Variants in CCDC43 observed in about 807,000 individuals in gnomAD.
CCDC43 encodes the protein coiled-coil domain-containing protein 43.
A neutral mutation model predicts 33.3 loss-of-function variants in CCDC43; 20 were observed. The ratio of observed to expected loss-of-function variants is 0.60; its 90% CI spans 0.42 to 0.87. CCDC43 has a LOEUF of 0.87. Among genes scored for constraint, CCDC43 ranks in the 40% least tolerant of loss-of-function variants. CCDC43 has a pLI of 0.00. For synonymous variants in CCDC43, 104 were observed against 106.5 expected, an observed-to-expected ratio of 0.98 and a Z score of 0.14; for missense variants, 248 against 269.9, an observed-to-expected ratio of 0.92 and a Z score of 0.57.
At chr17:44,682,691 A>G (rs910582717) in intron 2 of CCDC43, among the ~76,000 whole-genome samples, 5 of 152,140 alleles carry the variant, frequency 3.3e-5, no homozygotes, top group Admixed American at 3.3e-4. Context: ...CCCCGTCTCT[A>G]CTAAAAATAC....
At chr17:44,679,164 GT>G (rs200701087) in intron 4 of CCDC43, 121 bp from the exon 5 acceptor site, 25 of 618,654 alleles carry the variant, frequency 4.0e-5, no homozygotes, top group Non-Finnish European at 5.5e-5. Flanking sequence ...TCTATTCCTG[GT>G]TTTTTAAAAA....
chr17:44,687,442 TA>T (rs1376262129), intron 1 of CCDC43, among the ~76,000 whole-genome samples: 1 of 124,542 alleles, frequency 8.0e-6, no homozygotes, highest in Admixed American at 9.4e-5. Context: ...TCTCAAAAAA[TA>T]AAACATAAAA....
intron 3 of CCDC43, 169 bp downstream of exon 3, chr17:44,681,834 T>C: frequency 1.4e-6 from 1 of 728,996 alleles, no homozygotes; most frequent in Non-Finnish European, 2.3e-6. Context: ...CAGTATCAAC[T>C]AATCCAATAT....
At chr17:44,681,014 C>T (rs1972150917) in intron 3 of CCDC43, among the ~76,000 whole-genome samples, 1 of 152,070 alleles carries the variant, frequency 6.6e-6, no homozygotes, top group Admixed American at 6.6e-5. Flanking sequence ...GGGTGAAGCC[C>T]AGCAATCTGT....
At chr17:44,689,455 C>T in intron 1 of CCDC43, 95 bp downstream of exon 1, 1 of 1,540,876 alleles carries the variant, frequency 6.5e-7, no homozygotes. Context: ...GACCACTGAG[C>T]CTCTGGGATA....
In CCDC43 at chr17:44,689,714, C is replaced by T; in HGVS notation, c.40G>A (p.Glu14Lys). The change falls in exon 1 of 5, where the codon GAA (glutamate) becomes AAA (lysine). Residue 14 changes from glutamate (E) to lysine (K), a missense_variant. Glu to Lys is a moderately conservative substitution (Grantham distance 56, BLOSUM62 1). Coordinates refer to ENST00000315286, the MANE Select transcript of CCDC43 (RefSeq NM_144609.3). ...AAGCCGCCGCCTCCGCCATCGCCTT[C>T]GCCAGGGGCTATCGCGGCCACTTCG... ...PSEVAAIAPG[E>K]GDGGGGGFGS... is the part of the protein sequence containing the mutation. 1 of 1,596,504 alleles carries T rather than the reference C, an allele frequency of 6.3e-7. No homozygotes were observed. Among genetic ancestry groups the T allele is most frequent in the Non-Finnish European group, 8.5e-7 (1 of 1,172,324 alleles).
chr17:44,684,093 T>C, intron 1 of CCDC43, 134 bp from the exon 2 acceptor site: 1 of 633,862 alleles, frequency 1.6e-6, no homozygotes, highest in Non-Finnish European at 2.8e-6. Context: ...CACAATAGAG[T>C]ATGTTTCTTT....
At position 44,678,867 on chromosome 17, in the gene CCDC43, G is replaced by A. The variant is rs750662055; in HGVS notation, c.664C>T (p.Arg222Ter). The change falls in exon 5 of 5, where the codon CGA becomes TGA. Residue 222 changes from arginine (R) to a stop codon, truncating the protein, a stop_gained. Transcript: ENST00000315286. LOFTEE classifies it high-confidence loss of function. The stretch of plus-strand genomic sequence containing the variant: ...AGAGTAGGCCAAGGTTATCGCTTTC[G>A]CTCCCCTCTCTGTGTCCTTTTTTTT... ...KEKKRTQRGE[R>*]KR 10 of 1,613,150 alleles carry A rather than the reference G, an allele frequency of 6.2e-6. No homozygotes were observed. Among genetic ancestry groups the A allele is most frequent in the African/African-American group, 2.7e-5 (2 of 74,924 alleles).
intron 1 of CCDC43, 35 bp downstream of exon 1, chr17:44,689,515 G>T: frequency 6.2e-7 from 1 of 1,613,354 alleles, no homozygotes; most frequent in African/African-American, 1.3e-5. Flanking sequence ...TCAGATGCTG[G>T]CCAGAGGCTG....
intron 1 of CCDC43, among the ~76,000 whole-genome samples, chr17:44,686,516 C>A (rs1032850753): frequency 6.6e-6 from 1 of 152,174 alleles, no homozygotes; most frequent in Non-Finnish European, 1.5e-5. Flanking sequence ...AGCAGAGAGG[C>A]AAAAGAGAAC....
At chr17:44,685,274 A>C (rs1191069417) in intron 1 of CCDC43, among the ~76,000 whole-genome samples, 1 of 152,198 alleles carries the variant, frequency 6.6e-6, no homozygotes, top group Non-Finnish European at 1.5e-5. Context: ...TGGCTGACGT[A>C]TACAATTCAG....
At position 44,678,838 on chromosome 17, in the gene CCDC43, G is replaced by T. The variant is rs763607586; in HGVS notation, c.*18C>A. ...CCTTTGATAAGTTCATGGGGGGAAAGAATAGAGTAGGCCAAGGTTATCGCT... is the reference window on the plus strand; with the variant it reads ...CCTTTGATAAGTTCATGGGGGGAAATAATAGAGTAGGCCAAGGTTATCGCT... On this transcript the variant is annotated 3_prime_UTR_variant, in exon 5 of 5. Transcript: ENST00000315286. The T allele has an allele frequency of 1.9e-6, 3 of 1,608,060 alleles. No homozygotes were observed. In the Admixed American group the frequency reaches 5.1e-5, roughly 27 times the overall value.
At chr17:44,686,104 G>T (rs558351209) in intron 1 of CCDC43, among the ~76,000 whole-genome samples, 1 of 152,012 alleles carries the variant, frequency 6.6e-6, no homozygotes, top group Non-Finnish European at 1.5e-5. Context: ...TAGTAGAGAC[G>T]GGGTTTCACC....
intron 1 of CCDC43, 50 bp from the exon 2 acceptor site, chr17:44,684,009 A>C (rs774656031): frequency 1.7e-6 from 2 of 1,190,462 alleles, no homozygotes; most frequent in Non-Finnish European, 2.5e-6. Context: ...CCTCAAAAAC[A>C]ATAGTAACCT....
In CCDC43 at chr17:44,678,635, A is replaced by G; in HGVS notation, c.*221T>C. 2.3e-6 allele frequency: 1 copy of G among 437,248 alleles called. No individual in the cohort carries two copies. Among genetic ancestry groups the G allele is most frequent in the South Asian group, 5.8e-5 (1 of 17,170 alleles). 27.1% of individuals were successfully genotyped at this position (437,248 alleles called of 1,614,324 possible). On this transcript the variant is annotated 3_prime_UTR_variant, in exon 5 of 5. Transcript: ENST00000315286. ...AAAATATAAAGGTGGCCCCCATTCCAGATCTTTGGTACAGTCATCAACTAT... is the reference window on the plus strand; with the variant it reads ...AAAATATAAAGGTGGCCCCCATTCCGGATCTTTGGTACAGTCATCAACTAT...
chr17:44,684,874 G>A (rs1972212123), intron 1 of CCDC43, among the ~76,000 whole-genome samples: 1 of 152,040 alleles, frequency 6.6e-6, no homozygotes, highest in Admixed American at 6.6e-5. Flanking sequence ...TCAAACTCCT[G>A]GGCTCAAGCA....
At chr17:44,684,168 A>C (rs1972201161) in intron 1 of CCDC43, among the ~76,000 whole-genome samples, 1 of 152,174 alleles carries the variant, frequency 6.6e-6, no homozygotes, top group Non-Finnish European at 1.5e-5. Flanking sequence ...TCCTACATCA[A>C]GAACAGCCAC....
chr17:44,687,565 A>C (rs1034805429), intron 1 of CCDC43: 1 of 152,110 alleles, frequency 6.6e-6, no homozygotes, highest in Non-Finnish European at 1.5e-5. Context: ...TCAAGGCTAC[A>C]GTGAGTTATG....
At chr17:44,689,238 A>G in intron 1 of CCDC43, 1 of 387,708 alleles carries the variant, frequency 2.6e-6, no homozygotes, top group Non-Finnish European at 4.8e-6. Context: ...GATATTTATG[A>G]TAACATTCCC....
Sources: allele counts gnomAD v4.1 joint callset (sites outside exome capture counted in the v4.1 genomes callset), GRCh38; gene constraint gnomAD v4.1.1; transcripts MANE v1.5; gene names NCBI Gene and HGNC (gene_info 2026-07-23, HGNC 2026-07-21).